SRC: variants seen among roughly 807,000 people sequenced by gnomAD.
The protein encoded by SRC is SRC proto-oncogene, non-receptor tyrosine kinase, also known as proto-oncogene tyrosine-protein kinase Src.
Under a neutral mutation model 62.9 loss-of-function variants are expected in SRC, and 13 were observed. That is an observed-to-expected ratio of 0.21 (90% CI 0.13 to 0.33). The LOEUF (loss-of-function observed/expected upper bound fraction) is 0.33. Among genes scored for constraint, SRC ranks in the 10% least tolerant of loss-of-function variants. The pLI, the probability that SRC is intolerant of heterozygous loss-of-function variation, is 1.00. For missense variants in SRC, 457 were observed against 737.3 expected (o/e 0.62, Z 4.40); for synonymous variants, 302 against 317.5 (o/e 0.95, Z 0.52).
intron 7 of SRC, among the ~76,000 whole-genome samples, chr20:37,395,018 G>T (rs2070618814): frequency 1.3e-5 from 2 of 152,196 alleles, no homozygotes; most frequent in African/African-American, 4.8e-5. Context: ...GCGTGTACTT[G>T]TGTGAGCGTG....
In SRC at chr20:37,398,349, C is replaced by T. The variant is rs2070689116; in HGVS notation, c.859+495C>T. ...CCCTGGAGAAACAGCAAAGCATGAG[C>T]ACCGTGCAGCCCTGACAAAACCCAG... On this transcript the variant is annotated intron_variant, in intron 9 of 13. Coordinates refer to ENST00000373578, the MANE Select transcript of SRC (RefSeq NM_198291.3). The surrounding 1 kb of genome is among the most constrained non-coding windows in gnomAD (Gnocchi z 5.2). Among the ~76,000 whole-genome samples, 1 of 152,228 alleles carries T rather than the reference C, an allele frequency of 6.6e-6. No individual in the cohort carries two copies. Among genetic ancestry groups the T allele is most frequent in the African/African-American group, 2.4e-5 (1 of 41,454 alleles).
intron 5 of SRC, among the ~76,000 whole-genome samples, chr20:37,388,864 G>GT (rs1422395915): frequency 1.3e-5 from 2 of 152,156 alleles, no homozygotes; most frequent in African/African-American, 4.8e-5. Flanking sequence ...AATTTAAGGT[G>GT]TTTGAGTCTC....
At chr20:37,390,334 T>C (rs539074029) in intron 5 of SRC, among the ~76,000 whole-genome samples, 1 of 152,140 alleles carries the variant, frequency 6.6e-6, no homozygotes, top group Non-Finnish European at 1.5e-5. Flanking sequence ...TTTTTATTTT[T>C]TAGCTAAATC....
chr20:37,345,861 G>C (rs2146865623), upstream of SRC, among the ~76,000 whole-genome samples: 1 of 152,284 alleles, frequency 6.6e-6, no homozygotes. Context: ...GGGGCCCGCG[G>C]GGTGCGGCGC....
intron 1 of SRC, among the ~76,000 whole-genome samples, chr20:37,352,513 C>T (rs2069819841): frequency 6.6e-6 from 1 of 152,194 alleles, no homozygotes; most frequent in African/African-American, 2.4e-5. Flanking sequence ...CTGCCTTAGC[C>T]CTTGCCTGCC....
chr20:37,397,877 G>T lies in SRC; in HGVS notation c.859+23G>T. Reference sequence around the variant, plus strand: ...TGGGTAAGGCCTGGCCCCTGCCCTCGGGAGAGGCATCCACCCCCCACCCCG... The same window carrying T: ...TGGGTAAGGCCTGGCCCCTGCCCTCTGGAGAGGCATCCACCCCCCACCCCG... On this transcript the variant is annotated intron_variant, in intron 9 of 13. Transcript: ENST00000373578. The surrounding 1 kb of genome is among the most constrained non-coding windows in gnomAD (Gnocchi z 4.1). 6.3e-7 allele frequency: 1 copy of T among 1,595,948 alleles called. No homozygotes were observed. The highest frequency in any genetic ancestry group is 8.5e-7 in the Non-Finnish European group (1 of 1,173,482).
intron 2 of SRC, among the ~76,000 whole-genome samples, chr20:37,375,846 G>A (rs764156757): frequency 6.7e-4 from 102 of 152,218 alleles, no homozygotes; most frequent in Non-Finnish European, 1.8e-4. Flanking sequence ...TATCAAGGTG[G>A]CAGCAGATTC....
chr20:37,371,959 C>T (rs574875044), intron 2 of SRC, among the ~76,000 whole-genome samples: 5 of 152,152 alleles, frequency 3.3e-5, no homozygotes, highest in Admixed American at 2.6e-4. Context: ...CCTTGGTCTC[C>T]CAAAGTGCTA....
At chr20:37,371,945 C>G (rs1161191227) in intron 2 of SRC, among the ~76,000 whole-genome samples, 6 of 152,112 alleles carry the variant, frequency 3.9e-5, no homozygotes, top group Non-Finnish European at 7.3e-5. Context: ...TCCAATCCGC[C>G]CCCCCTTGGT....
rs1190315469 is a variant in SRC at position 37,402,456 on chromosome 20, G to A, written c.1138G>A (p.Val380Met). 3.7e-6 allele frequency: 6 copies of A among 1,613,780 alleles called. No homozygotes were observed. In the African/African-American group the frequency reaches 5.3e-5, roughly 14 times the overall value. Residue 380 changes from valine to methionine, a missense_variant, in exon 12 of 14, where the codon GTG becomes ATG. By Grantham distance (21) the Val-to-Met change is conservative (BLOSUM62 1). Transcript: ENST00000373578. The surrounding 1 kb of genome is among the most constrained non-coding windows in gnomAD (Gnocchi z 6.2). ...AAQIASGMAY[V>M]ERMNYVHRDL... is the part of the protein sequence containing the mutation. ...GCAGATCGCCTCAGGCATGGCGTAC[G>A]TGGAGCGGATGAACTACGTCCACCG...
rs1354854561 is a variant in SRC, at chr20:37,384,295, C to G, written c.142C>G (p.Arg48Gly). ...CAAGCCAGCCTCGGCCGACGGCCAC[C>G]GCGGCCCCAGCGCGGCCTTCGCCCC... ...PSKPASADGH[R>G]GPSAAFAPAA... is the part of the protein sequence containing the mutation. Residue 48 changes from arginine (R) to glycine (G), a missense_variant, in exon 4 of 14, where the codon CGC (arginine) becomes GGC (glycine). Physicochemically the swap from Arg to Gly is moderately radical, Grantham distance 125 (BLOSUM62 -2). This residue lies in a region of SRC where 132 missense variants were observed against 135.4 expected (regional missense o/e 0.98). Coordinates refer to ENST00000373578, the MANE Select transcript of SRC (RefSeq NM_198291.3). The surrounding 1 kb of genome is among the most constrained non-coding windows in gnomAD (Gnocchi z 6.7). 1 of 1,491,236 alleles carries G rather than the reference C, an allele frequency of 6.7e-7. No individual in the cohort carries two copies. Among genetic ancestry groups the G allele is most frequent in the Non-Finnish European group, 8.9e-7 (1 of 1,128,396 alleles). 92.4% of individuals were successfully genotyped at this position (1,491,236 alleles called of 1,614,324 possible). A position where few individuals can be genotyped will look rare whatever the true frequency, so the allele number is the denominator to read the frequency against.
At chr20:37,400,601 C>T (rs1350562268) in intron 10 of SRC, among the ~76,000 whole-genome samples, 3 of 151,512 alleles carry the variant, frequency 2.0e-5, no homozygotes, top group Non-Finnish European at 2.9e-5. Flanking sequence ...AGGCTGGTCT[C>T]GAACTCTTGG....
chr20:37,373,159 C>T (rs6018115), intron 2 of SRC, among the ~76,000 whole-genome samples: 9 of 113,660 alleles, frequency 7.9e-5, no homozygotes, highest in African/African-American at 3.9e-4. Context: ...TACACACATA[C>T]ACACATATAT....
rs989161025 is a variant in SRC, at chr20:37,398,407, C to T, written c.859+553C>T. 2.0e-5 allele frequency among the ~76,000 whole-genome samples: 3 copies of T among 152,228 alleles called. No homozygotes were observed. Among genetic ancestry groups the T allele is most frequent in the East Asian group, 3.8e-4 (2 of 5,196 alleles). ...TTCCACCGGATGCTTTCTGCTCACA[C>T]GGAGGGACCGGAGGCCAGGGTGGAG... On this transcript the variant is annotated intron_variant, in intron 9 of 13. Coordinates refer to ENST00000373578, the MANE Select transcript of SRC (RefSeq NM_198291.3). The surrounding 1 kb of genome is among the most constrained non-coding windows in gnomAD (Gnocchi z 5.2).
At chr20:37,391,415 T>C (rs2070546013) in intron 5 of SRC, among the ~76,000 whole-genome samples, 1 of 152,214 alleles carries the variant, frequency 6.6e-6, no homozygotes, top group Admixed American at 6.5e-5. Flanking sequence ...ATCACTGGCC[T>C]GTCTGTGTCT....
chr20:37,396,384 G>C lies in SRC; in HGVS notation c.703+73G>C. Reference sequence around the variant, plus strand: ...GCAGACTCTGGGGAGGGGCCTTGGAGCCTAGAAGGGTGGGGACTTCTGTTA... The same window carrying C: ...GCAGACTCTGGGGAGGGGCCTTGGACCCTAGAAGGGTGGGGACTTCTGTTA... On this transcript the variant is annotated intron_variant, in intron 8 of 13. Transcript: ENST00000373578. The surrounding 1 kb of genome is among the most constrained non-coding windows in gnomAD (Gnocchi z 6.1). 6.4e-7 allele frequency: 1 copy of C among 1,570,082 alleles called. No individual in the cohort carries two copies. The highest frequency in any genetic ancestry group is 1.7e-5 in the Admixed American group (1 of 58,236).
At chr20:37,373,230 AC>A (rs2070207805) in intron 2 of SRC, among the ~76,000 whole-genome samples, 1 of 146,272 alleles carries the variant, frequency 6.8e-6, no homozygotes, top group Non-Finnish European at 1.5e-5. Flanking sequence ...ATACGTACAC[AC>A]ATGCACATAT....
chr20:37,392,576 A>G (rs1298623046), intron 5 of SRC, among the ~76,000 whole-genome samples: 1 of 152,148 alleles, frequency 6.6e-6, no homozygotes, highest in East Asian at 1.9e-4. Context: ...AGAGCCCAGC[A>G]AGCTGTCAAG....
At chr20:37,359,734 G>A (rs1347829409) in intron 1 of SRC, among the ~76,000 whole-genome samples, 1 of 152,138 alleles carries the variant, frequency 6.6e-6, no homozygotes, top group Admixed American at 6.5e-5. Context: ...GACTTGGAGC[G>A]AGATGGGGTC....
Sources: allele counts gnomAD v4.1 joint callset (sites outside exome capture counted in the v4.1 genomes callset), GRCh38; gene constraint gnomAD v4.1.1; regional missense constraint gnomAD v4.1.1; non-coding constraint Gnocchi (gnomAD v3.1); transcripts MANE v1.5; gene names NCBI Gene and HGNC (gene_info 2026-07-23, HGNC 2026-07-21).